SNURF: variants seen among roughly 807,000 people sequenced by gnomAD.
SNURF encodes the protein SNRPN upstream open reading frame, also known as SNURF protein.
In SNURF, 6 loss-of-function variants were observed where a neutral mutation model predicts 11.6. That is an observed-to-expected ratio of 0.52 (90% CI 0.28 to 1.02). SNURF has a LOEUF of 1.02. Among genes scored for constraint, SNURF ranks in the 50% least tolerant of loss-of-function variants. The pLI, the probability that SNURF is intolerant of heterozygous loss-of-function variation, is 0.09. For synonymous variants in SNURF, 29 were observed against 31.6 expected, an observed-to-expected ratio of 0.92 and a Z score of 0.27; for missense variants, 84 against 88.4, an observed-to-expected ratio of 0.95 and a Z score of 0.20.
At chr15:24,969,619 T>A (rs1384642598), downstream of SNURF, among the ~76,000 whole-genome samples, 1 of 152,222 alleles carries the variant, frequency 6.6e-6, no homozygotes, top group African/African-American at 2.4e-5. Context: ...TTTTTAGGAA[T>A]TTTTTAGCTT....
chr15:24,978,578 CTG>C, downstream of SNURF: 1 of 818,358 alleles, frequency 1.2e-6, no homozygotes, highest in South Asian at 1.5e-5. Flanking sequence ...AGCAATTAAA[CTG>C]TGAGGTACTG....
intron 1 of SNURF, among the ~76,000 whole-genome samples, chr15:24,955,380 G>T (rs574861861): frequency 1.3e-5 from 2 of 152,148 alleles, no homozygotes; most frequent in Non-Finnish European, 2.9e-5. Flanking sequence ...ACCGCAGTGG[G>T]CAAGGGACAT....
At chr15:24,975,612 A>G (rs2076968951) in intron 4 of SNURF, 2 of 919,296 alleles carry the variant, frequency 2.2e-6, no homozygotes, top group Non-Finnish European at 3.4e-6. Context: ...GTAGTTAGGG[A>G]AACTATGGTA....
At chr15:24,967,279 T>G (rs899904336) in intron 2 of SNURF, 1 of 153,032 alleles carries the variant, frequency 6.5e-6, no homozygotes, top group Admixed American at 6.5e-5. Context: ...TTGTACAATC[T>G]CTGTGTAGAG....
chr15:24,975,935 A>G (rs2077011983), intron 4 of SNURF, among the ~76,000 whole-genome samples: 1 of 152,128 alleles, frequency 6.6e-6, no homozygotes, highest in Non-Finnish European at 1.5e-5. Flanking sequence ...CCATTATTTC[A>G]GTTCTGTGTC....
chr15:24,967,506 G>T (rs1307022737), intron 2 of SNURF, among the ~76,000 whole-genome samples: 2 of 152,052 alleles, frequency 1.3e-5, no homozygotes, highest in Non-Finnish European at 2.9e-5. Context: ...GCCGAGAGTG[G>T]TGGCAGGCAC....
At chr15:24,959,157 A>G (rs963922120) in intron 1 of SNURF, among the ~76,000 whole-genome samples, 1 of 152,202 alleles carries the variant, frequency 6.6e-6, no homozygotes, top group Non-Finnish European at 1.5e-5. Flanking sequence ...TCTGAGGGCA[A>G]ACATTTAACA....
intron 5 of SNURF, chr15:24,976,745 G>C (rs1390869293): frequency 5.0e-6 from 4 of 800,458 alleles, no homozygotes; most frequent in Non-Finnish European, 8.2e-6. Context: ...TTGCTTGTTT[G>C]TTCATTTGGA....
intron 1 of SNURF, among the ~76,000 whole-genome samples, chr15:24,955,849 T>G (rs2062769318): frequency 6.6e-6 from 1 of 150,398 alleles, no homozygotes; most frequent in Admixed American, 6.6e-5. Flanking sequence ...GGGCATGGCA[T>G]GGAGGCGGTG....
rs749365354 is a variant in SNURF, at chr15:24,955,012, G to A, written c.-37G>A. On this transcript the variant is annotated 5_prime_UTR_variant, in exon 1 of 3. It removes an upstream start codon present in the reference 5' UTR. Transcript: ENST00000577949. ...GCAGAGTGGAGCGGCCGCCGGAGATGCCTGACGCATCTGTCTGAGGAGCGG... is the reference window on the plus strand; with the variant it reads ...GCAGAGTGGAGCGGCCGCCGGAGATACCTGACGCATCTGTCTGAGGAGCGG... The A allele has an allele frequency of 3.7e-6, 6 of 1,612,142 alleles. No individual in the cohort carries two copies. The highest frequency in any genetic ancestry group is 1.1e-5 in the South Asian group (1 of 90,806).
At chr15:24,972,510 C>T (rs1177059165), downstream of SNURF, among the ~76,000 whole-genome samples, 1 of 150,484 alleles carries the variant, frequency 6.6e-6, no homozygotes, top group African/African-American at 2.4e-5. Context: ...AGATTCATGG[C>T]CACTGAATGA....
chr15:24,968,596 C>A (rs1223425156), downstream of SNURF, among the ~76,000 whole-genome samples: 2 of 151,948 alleles, frequency 1.3e-5, no homozygotes, highest in African/African-American at 4.8e-5. Flanking sequence ...AAATAAAGGG[C>A]CAGTTACAAC....
chr15:24,974,219 C>T (rs767470957), intron 3 of SNURF: 7 of 544,112 alleles, frequency 1.3e-5, no homozygotes, highest in African/African-American at 7.7e-5. Context: ...TGTTTTTGAA[C>T]GTGTCTGTCA....
intron 4 of SNURF, chr15:24,976,266 C>T: frequency 6.7e-7 from 1 of 1,491,916 alleles, no homozygotes; most frequent in Non-Finnish European, 9.4e-7. Context: ...TGAGTGATCA[C>T]TAAAATTTAT....
At chr15:24,969,942 C>T (rs562158860), downstream of SNURF, among the ~76,000 whole-genome samples, 21 of 152,278 alleles carry the variant, frequency 1.4e-4, no homozygotes, top group East Asian at 4.1e-3. Flanking sequence ...GATTGAATGA[C>T]AGGCAAAGCC....
chr15:24,965,044 T>C (rs1481114390), intron 2 of SNURF, among the ~76,000 whole-genome samples: 3 of 152,176 alleles, frequency 2.0e-5, no homozygotes, highest in African/African-American at 7.2e-5. Context: ...TTGAGAGTAA[T>C]TGGATTATGG....
chr15:24,963,524 A>G (rs1200693221), intron 2 of SNURF, among the ~76,000 whole-genome samples: 1 of 151,310 alleles, frequency 6.6e-6, no homozygotes, highest in Non-Finnish European at 1.5e-5. Context: ...CTGAGGCAGG[A>G]GAATTGTTTG....
downstream of SNURF, chr15:24,978,275 C>T: frequency 1.2e-6 from 2 of 1,614,122 alleles, no homozygotes. Context: ...CGCCAATAGG[C>T]ATGCCGCCTC....
At chr15:24,977,495 C>G (rs1014141877) in intron 6 of SNURF, among the ~76,000 whole-genome samples, 1 of 152,014 alleles carries the variant, frequency 6.6e-6, no homozygotes, top group Non-Finnish European at 1.5e-5. Flanking sequence ...CAAAAATCAG[C>G]TGTGTGTGGT....
Sources: gnomAD v4.1 joint callset for allele counts (sites outside exome capture counted in the v4.1 genomes callset) on GRCh38, gnomAD v4.1.1 for gene constraint, MANE v1.5 for transcripts, NCBI Gene and HGNC (gene_info 2026-07-23, HGNC 2026-07-21) for gene names.